The following ZNF555 variants were observed in gnomAD, a reference collection of about 807,000 sequenced individuals.
ZNF555 encodes the protein zinc finger protein 555.
ZNF555 carries 10 observed loss-of-function variants against 14.0 expected under a neutral mutation model. The ratio of observed to expected loss-of-function variants is 0.72; its 90% confidence interval spans 0.44 to 1.21. The LOEUF (loss-of-function observed/expected upper bound fraction) is 1.21. Ranked by LOEUF, ZNF555 falls within the 50% of genes most tolerant of loss-of-function variation. The pLI is 0.00. For synonymous variants in ZNF555, 277 were observed against 262.4 expected, an observed-to-expected ratio of 1.06 and a Z score of -0.54; for missense variants, 747 against 762.0, an observed-to-expected ratio of 0.98 and a Z score of 0.23.
chr19:2,845,832 A>G (rs2087577954), intron 1 of ZNF555, among the ~76,000 whole-genome samples: 1 of 152,160 alleles, frequency 6.6e-6, no homozygotes, highest in African/African-American at 2.4e-5. Flanking sequence ...GAGAGGCACC[A>G]ATTCCTGCAC....
In ZNF555 at chr19:2,860,462, C is replaced by T. The variant is rs2087723108; in HGVS notation, c.*6510C>T. Reference sequence around the variant, plus strand: ...ATATTTATTGCACTATTAAATTCTTCCAAAATATAGTTAAAAAAAAAAGCT... The same window carrying T: ...ATATTTATTGCACTATTAAATTCTTTCAAAATATAGTTAAAAAAAAAAGCT... On this transcript the variant is annotated 3_prime_UTR_variant, in exon 4 of 4. Transcript: ENST00000334241. 1 of 151,744 alleles carries T rather than the reference C, an allele frequency of 6.6e-6. No homozygotes were observed. Among genetic ancestry groups the T allele is most frequent in the Admixed American group, 6.6e-5 (1 of 15,208 alleles). The allele number at this position is 151,744 out of a possible 1,614,324, so 9.4% of individuals were successfully genotyped here. A position where few individuals can be genotyped will look rare whatever the true frequency, so the allele number is the denominator to read the frequency against.
Position 2,858,932 on chromosome 19 carries a change from G to A in ZNF555, c.*4980G>A, listed in dbSNP as rs1165425285. On this transcript the variant is annotated 3_prime_UTR_variant, in exon 4 of 4. Coordinates refer to ENST00000334241, the MANE Select transcript of ZNF555 (RefSeq NM_152791.5). Reference sequence around the variant, plus strand: ...TGCGCACTCAGGTCGTGACACCCCAGGAGGTGCCTATCGCGCCCCAAGCTC... The same window carrying A: ...TGCGCACTCAGGTCGTGACACCCCAAGAGGTGCCTATCGCGCCCCAAGCTC... 3.3e-5 allele frequency: 5 copies of A among 152,492 alleles called. No individual in the cohort carries two copies. In the South Asian group the frequency reaches 1.0e-3, roughly 32 times the overall value. The allele number at this position is 152,492 out of a possible 1,614,324, so 9.4% of individuals were successfully genotyped here. A position where few individuals can be genotyped will look rare whatever the true frequency, so the allele number is the denominator to read the frequency against.
intron 3 of ZNF555, 89 bp from the exon 4 acceptor site, chr19:2,852,291 C>A: frequency 6.6e-7 from 1 of 1,511,094 alleles, no homozygotes; most frequent in Non-Finnish European, 9.0e-7. Flanking sequence ...CCTATGCTTT[C>A]ACTGAAAATG....
rs1453898383 is a variant in ZNF555, at chr19:2,859,199, G to C, written c.*5247G>C. 1 of 152,252 alleles carries C rather than the reference G, an allele frequency of 6.6e-6. No homozygotes were observed. Among genetic ancestry groups the C allele is most frequent in the East Asian group, 1.9e-4 (1 of 5,186 alleles). The allele number at this position is 152,252 out of a possible 1,614,324, so 9.4% of individuals were successfully genotyped here. ...TTGTTGGGGCTATCTGGGAGTTTCC[G>C]CCTTCCATGAAGTGCGCAGGCGCAC... On this transcript the variant is annotated 3_prime_UTR_variant, in exon 4 of 4. Transcript: ENST00000334241.
rs1296978789 is a variant in ZNF555, at chr19:2,844,962, A to G, written c.3+3387A>G. Among the ~76,000 whole-genome samples the G allele has an allele frequency of 3.9e-5, 6 of 152,282 alleles. No individual in the cohort carries two copies. The East Asian group carries it at 1.2e-3, about 29-fold the overall frequency. ...AAATTCCATTGGCTGCAATGGAATCATTATTTTTTTAATTTCCATTTTTAT... is the reference window on the plus strand; with the variant it reads ...AAATTCCATTGGCTGCAATGGAATCGTTATTTTTTTAATTTCCATTTTTAT... On this transcript the variant is annotated intron_variant, in intron 1 of 3. Transcript: ENST00000334241.
At position 2,851,659 on chromosome 19, in the gene ZNF555, G is replaced by C; in HGVS notation, c.314+8G>C. 1.3e-6 allele frequency: 2 copies of C among 1,551,082 alleles called. No individual in the cohort carries two copies. The highest frequency in any genetic ancestry group is 1.7e-6 in the Non-Finnish European group (2 of 1,153,382). On this transcript the variant is annotated splice_region_variant and intron_variant, in intron 3 of 3. Coordinates refer to ENST00000334241, the MANE Select transcript of ZNF555 (RefSeq NM_152791.5). ...CCAGGGGAGAAATCTCAGGTGAGTT[G>C]CACTCACAAGAGAACATAGTATTTC...
chr19:2,853,282 G>T lies in ZNF555; in HGVS notation c.1217G>T (p.Ser406Ile), dbSNP rs533796168. The change falls in exon 4 of 4, where the codon AGT becomes ATT. Residue 406 changes from serine (S) to isoleucine (I), a missense_variant. Transcript: ENST00000334241. ...YECNQCGKAF[S>I]HPSSFRGHMR... ...TGCAACCAGTGCGGGAAAGCATTCA[G>T]TCACCCCTCCTCCTTTCGAGGACAC... 6.8e-6 allele frequency: 11 copies of T among 1,613,876 alleles called. No homozygotes were observed. In the Admixed American group the frequency reaches 1.7e-4, roughly 24 times the overall value.
At position 2,857,645 on chromosome 19, in the gene ZNF555, A is replaced by G. The variant is rs2087694542; in HGVS notation, c.*3693A>G. 1 of 152,220 alleles carries G rather than the reference A, an allele frequency of 6.6e-6. No individual in the cohort carries two copies. The highest frequency in any genetic ancestry group is 1.5e-5 in the Non-Finnish European group (1 of 68,048). The allele number at this position is 152,220 out of a possible 1,614,324, so 9.4% of individuals were successfully genotyped here. A position where few individuals can be genotyped will look rare whatever the true frequency, so the allele number is the denominator to read the frequency against. ...TAAAATAGCAAATTTTGTTGTATGT[A>G]TATTTTAAAGTTAAACAATAAAAAT... On this transcript the variant is annotated 3_prime_UTR_variant, in exon 4 of 4. Transcript: ENST00000334241.
chr19:2,843,347 T>C (rs535078342), intron 1 of ZNF555, among the ~76,000 whole-genome samples: 7 of 152,236 alleles, frequency 4.6e-5, no homozygotes, highest in East Asian at 1.9e-4. Flanking sequence ...TTTTTGTTTC[T>C]AGGGATGGGG....
chr19:2,850,289 T>G (rs1416348180), intron 1 of ZNF555, among the ~76,000 whole-genome samples: 1 of 152,234 alleles, frequency 6.6e-6, no homozygotes, highest in Non-Finnish European at 1.5e-5. Context: ...AATACAAGTA[T>G]TTGTTTCACT....
rs748202043 is a variant in ZNF555, at chr19:2,853,634, GCAA to G, written c.1575_1577del (p.Gln525del). ...AAGCTTTCAGTTGGCCTGAACTTTTGCAACAACATGTGAGAACGCACACTGTAG... is the reference window on the plus strand; with the variant it reads ...AAGCTTTCAGTTGGCCTGAACTTTTGCAACATGTGAGAACGCACACTGTAG... On this transcript the variant is annotated inframe_deletion, in exon 4 of 4. Transcript: ENST00000334241. 1.9e-6 allele frequency: 3 copies of G among 1,602,794 alleles called. 1 individual carries two copies. The highest frequency in any genetic ancestry group is 2.2e-5 in the South Asian group (2 of 89,178).
rs367784014 is a variant in ZNF555 at position 2,852,954 on chromosome 19, T to C, written c.889T>C (p.Ser297Pro). The stretch of plus-strand genomic sequence containing the variant: ...ATGTGCGGAAGCCTTTAGTTATTCC[T>C]CAACTTTTCGAAGACATATGATTTC... Reference protein sequence around the residue: ...KECAEAFSYSSTFRRHMISHT... With the variant: ...KECAEAFSYSPTFRRHMISHT... The change falls in exon 4 of 4, where the codon TCA becomes CCA. Residue 297 changes from serine to proline, a missense_variant. By Grantham distance (74) the Ser-to-Pro change is moderately conservative. Coordinates refer to ENST00000334241, the MANE Select transcript of ZNF555 (RefSeq NM_152791.5). 2.5e-6 allele frequency: 4 copies of C among 1,614,130 alleles called. No homozygotes were observed. The African/African-American group carries it at 5.3e-5, about 22-fold the overall frequency.
At position 2,853,174 on chromosome 19, in the gene ZNF555, GCAAA is replaced by G. The variant is rs1568344959; in HGVS notation, c.1112_1115del (p.Lys371SerfsTer44). 2 of 1,614,172 alleles carry G rather than the reference GCAAA, an allele frequency of 1.2e-6. No individual in the cohort carries two copies. The highest frequency in any genetic ancestry group is 2.2e-5 in the East Asian group (1 of 44,880). Reference sequence around the variant, plus strand: ...CACACTGGAGAGAAACCCTACGAATGCAAACAGTGTGGGAAGACCTTCATTTATC... The same window carrying G: ...CACACTGGAGAGAAACCCTACGAATGCAGTGTGGGAAGACCTTCATTTATC... On this transcript the variant is annotated frameshift_variant, in exon 4 of 4. Transcript: ENST00000334241. LOFTEE classifies it low-confidence loss of function (END_TRUNC).
At position 2,857,592 on chromosome 19, in the gene ZNF555, C is replaced by G. The variant is rs1054638; in HGVS notation, c.*3640C>G. On this transcript the variant is annotated 3_prime_UTR_variant, in exon 4 of 4. Coordinates refer to ENST00000334241, the MANE Select transcript of ZNF555 (RefSeq NM_152791.5). Reference sequence around the variant, plus strand: ...TCATGATTGTAGTGGTGAAAACAAGCATTTGCAAAAACTCATAAGGCTACT... The same window carrying G: ...TCATGATTGTAGTGGTGAAAACAAGGATTTGCAAAAACTCATAAGGCTACT... 6.6e-6 allele frequency: 1 copy of G among 152,058 alleles called. No individual in the cohort carries two copies. Among genetic ancestry groups the G allele is most frequent in the Admixed American group, 6.5e-5 (1 of 15,272 alleles). 9.4% of individuals were successfully genotyped at this position (152,058 alleles called of 1,614,324 possible). A position where few individuals can be genotyped will look rare whatever the true frequency, so the allele number is the denominator to read the frequency against.
In ZNF555 at chr19:2,853,624, C is replaced by CTGA. The variant is rs779001541; in HGVS notation, c.1560_1562dup (p.Pro520_Glu521insAsp). ...CAGTGTGGGAAAGCTTTCAGTTGGCCTGAACTTTTGCAACAACATGTGAGA... is the reference window on the plus strand; with the variant it reads ...CAGTGTGGGAAAGCTTTCAGTTGGCCTGATGAACTTTTGCAACAACATGTGAGA... On this transcript the variant is annotated inframe_insertion, in exon 4 of 4. Transcript: ENST00000334241. 32 of 1,605,260 alleles carry CTGA rather than the reference C, an allele frequency of 2.0e-5. No individual in the cohort carries two copies. The highest frequency in any genetic ancestry group is 2.2e-5 in the Non-Finnish European group (26 of 1,175,666).
chr19:2,844,459 G>A (rs557596203), intron 1 of ZNF555, among the ~76,000 whole-genome samples: 7 of 152,150 alleles, frequency 4.6e-5, no homozygotes, highest in Non-Finnish European at 8.8e-5. Context: ...GGCTGGTCTC[G>A]AACTCCTGAC....
rs2087685817 is a variant in ZNF555, at chr19:2,856,676, G to T, written c.*2724G>T. ...GAAAGGGCTGTGGCTTGTATCAGAG[G>T]GTGTTTAAAAGGATTTACTATCAGA... On this transcript the variant is annotated 3_prime_UTR_variant, in exon 4 of 4. Transcript: ENST00000334241. 2 of 152,140 alleles carry T rather than the reference G, an allele frequency of 1.3e-5. No individual in the cohort carries two copies. The highest frequency in any genetic ancestry group is 6.5e-5 in the Admixed American group (1 of 15,272). 9.4% of individuals were successfully genotyped at this position (152,140 alleles called of 1,614,324 possible). A position where few individuals can be genotyped will look rare whatever the true frequency, so the allele number is the denominator to read the frequency against.
chr19:2,843,371 C>T (rs1166397411), intron 1 of ZNF555, among the ~76,000 whole-genome samples: 1 of 152,070 alleles, frequency 6.6e-6, no homozygotes, highest in East Asian at 1.9e-4. Flanking sequence ...CATTCTGTTA[C>T]CCAGGCTGGT....
intron 1 of ZNF555, among the ~76,000 whole-genome samples, chr19:2,848,441 C>T (rs1038844005): frequency 2.0e-5 from 3 of 150,524 alleles, no homozygotes; most frequent in African/African-American, 4.9e-5. Flanking sequence ...CGTGAGCCAC[C>T]GCACCCAGCC....
Sources: gnomAD v4.1 joint callset for allele counts (sites outside exome capture counted in the v4.1 genomes callset) on GRCh38, gnomAD v4.1.1 for gene constraint, MANE v1.5 for transcripts, NCBI Gene and HGNC (gene_info 2026-07-23, HGNC 2026-07-21) for gene names.